Variants in DCC observed in about 807,000 individuals in gnomAD.
The protein encoded by DCC is netrin receptor DCC.
A neutral mutation model predicts 172.5 loss-of-function variants in DCC; 58 were observed. The ratio of observed to expected loss-of-function variants is 0.34; its 90% CI spans 0.27 to 0.42. The LOEUF (loss-of-function observed/expected upper bound fraction) is 0.42, where lower values mean the gene tolerates loss of function less well. Among genes scored for constraint, DCC ranks in the 10% least tolerant of loss-of-function variants. DCC has a pLI of 1.00. For missense variants in DCC, 1,740 were observed against 1,791.0 expected (o/e 0.97, Z 0.51); for synonymous variants, 709 against 644.5 (o/e 1.10, Z -1.52).
At chr18:53,266,258 G>C (rs1289712803) in intron 12 of DCC, among the ~76,000 whole-genome samples, 3 of 152,148 alleles carry the variant, frequency 2.0e-5, no homozygotes, top group African/African-American at 7.2e-5. Flanking sequence ...CTGTCCTAGG[G>C]ACACTGCTAT....
intron 1 of DCC, among the ~76,000 whole-genome samples, chr18:52,579,877 A>T (rs895610463): frequency 6.6e-6 from 1 of 152,234 alleles, no homozygotes; most frequent in African/African-American, 2.4e-5. Context: ...AAAATCACTA[A>T]CTCAGTACAT....
chr18:52,499,907 G>A (rs2030953268), intron 1 of DCC, among the ~76,000 whole-genome samples: 1 of 152,036 alleles, frequency 6.6e-6, no homozygotes, highest in Non-Finnish European at 1.5e-5. Context: ...ACAATTTAAA[G>A]CTTTAGGAGA....
intron 2 of DCC, among the ~76,000 whole-genome samples, chr18:52,786,339 A>G (rs2037659654): frequency 6.6e-6 from 1 of 152,094 alleles, no homozygotes; most frequent in African/African-American, 2.4e-5. Flanking sequence ...GATTACAGGA[A>G]TAAGCAGGAT....
intron 8 of DCC, among the ~76,000 whole-genome samples, chr18:53,168,611 C>T (rs1248910770): frequency 2.0e-5 from 3 of 151,624 alleles, no homozygotes; most frequent in Non-Finnish European, 4.4e-5. Flanking sequence ...AGGAGAAATA[C>T]CTAATGTAGA....
At chr18:52,354,463 G>A (rs548886721) in intron 1 of DCC, among the ~76,000 whole-genome samples, 5 of 152,276 alleles carry the variant, frequency 3.3e-5, no homozygotes, top group Admixed American at 2.6e-4. Flanking sequence ...CTCTAATCTT[G>A]TGGCAAAGTC....
intron 1 of DCC, among the ~76,000 whole-genome samples, chr18:52,528,258 A>G (rs986141054): frequency 1.3e-5 from 2 of 152,210 alleles, no homozygotes; most frequent in African/African-American, 2.4e-5. Flanking sequence ...GAGTTATAAC[A>G]TTCTTCAAAA....
chr18:53,242,419 T>G, intron 12 of DCC, among the ~76,000 whole-genome samples: 1 of 152,162 alleles, frequency 6.6e-6, no homozygotes, highest in East Asian at 1.9e-4. Context: ...TGAAACATAG[T>G]ATTTGTTCAA....
intron 16 of DCC, among the ~76,000 whole-genome samples, chr18:53,388,280 A>G (rs753794980): frequency 6.7e-6 from 1 of 148,254 alleles, no homozygotes; most frequent in Admixed American, 6.9e-5. Flanking sequence ...TCCACATGTC[A>G]TGGAGAACAA....
At chr18:52,588,452 A>G (rs1005653137) in intron 1 of DCC, among the ~76,000 whole-genome samples, 50 of 152,216 alleles carry the variant, frequency 3.3e-4, no homozygotes, top group African/African-American at 1.2e-3. Flanking sequence ...AGGATGGTAG[A>G]CTGTGATAGA....
chr18:52,893,092 G>T (rs147450461), intron 2 of DCC, among the ~76,000 whole-genome samples: 1 of 151,940 alleles, frequency 6.6e-6, no homozygotes, highest in Non-Finnish European at 1.5e-5. Context: ...TATATAATAC[G>T]GAATAAAGGC....
chr18:52,342,171 C>T (rs941968525), intron 1 of DCC, among the ~76,000 whole-genome samples: 1 of 152,206 alleles, frequency 6.6e-6, no homozygotes, highest in Non-Finnish European at 1.5e-5. Context: ...CTCCCCAAAG[C>T]CTCGCTCGGC....
At chr18:52,366,350 T>C (rs57350536) in intron 1 of DCC, among the ~76,000 whole-genome samples, 15,753 of 152,152 alleles carry the variant, frequency 0.1, 1,023 homozygotes, top group African/African-American at 0.18. Context: ...GCTTCCACAG[T>C]GTGCAAGGGG....
chr18:53,009,384 C>T (rs1361478952), intron 5 of DCC, among the ~76,000 whole-genome samples: 1 of 151,844 alleles, frequency 6.6e-6, no homozygotes, highest in East Asian at 1.9e-4. Context: ...CTGGCATTAC[C>T]ATTGGAAGCC....
At chr18:52,343,889 A>C (rs1983765645) in intron 1 of DCC, among the ~76,000 whole-genome samples, 1 of 152,144 alleles carries the variant, frequency 6.6e-6, no homozygotes, top group Non-Finnish European at 1.5e-5. Context: ...GCAGAGCCTG[A>C]GGGCTCGGGG....
chr18:53,274,022 G>A (rs750515563), intron 12 of DCC, among the ~76,000 whole-genome samples: 7 of 152,010 alleles, frequency 4.6e-5, no homozygotes, highest in Non-Finnish European at 8.8e-5. Flanking sequence ...TTGACAAGCA[G>A]CAAGATACAT....
chr18:53,299,434 T>C (rs1020429224), intron 12 of DCC, among the ~76,000 whole-genome samples: 1 of 152,206 alleles, frequency 6.6e-6, no homozygotes, highest in African/African-American at 2.4e-5. Flanking sequence ...ACGTTGTCCT[T>C]ACATCTTGAG....
intron 1 of DCC, among the ~76,000 whole-genome samples, chr18:52,603,827 A>G (rs1464443181): frequency 6.6e-6 from 1 of 152,072 alleles, no homozygotes; most frequent in Non-Finnish European, 1.5e-5. Context: ...TAAAGAGCAT[A>G]TGCTTTTCCT....
chr18:53,376,037 G>A (rs2144968658), intron 15 of DCC, among the ~76,000 whole-genome samples: 1 of 152,050 alleles, frequency 6.6e-6, no homozygotes, highest in South Asian at 2.1e-4. Flanking sequence ...TCTAAAATAG[G>A]GATGATCATT....
At chr18:52,666,877 C>T (rs183809089) in intron 1 of DCC, among the ~76,000 whole-genome samples, 1 of 151,968 alleles carries the variant, frequency 6.6e-6, no homozygotes, top group East Asian at 1.9e-4. Context: ...TTTTTTTCCT[C>T]AGAAATACTC....
Sources: allele counts gnomAD v4.1 joint callset (sites outside exome capture counted in the v4.1 genomes callset), GRCh38; gene constraint gnomAD v4.1.1; transcripts MANE v1.5; gene names NCBI Gene and HGNC (gene_info 2026-07-23, HGNC 2026-07-21).